The following RABEP1 variants were observed in gnomAD, a reference collection of about 807,000 sequenced individuals.
The protein encoded by RABEP1 is rab GTPase-binding effector protein 1.
In RABEP1, 51 loss-of-function variants were observed where a neutral mutation model predicts 123.4. That is an observed-to-expected ratio of 0.41 (90% CI 0.33 to 0.52). RABEP1 has a LOEUF of 0.52. Among genes scored for constraint, RABEP1 ranks in the 20% least tolerant of loss-of-function variants. RABEP1 has a pLI of 0.16. For synonymous variants in RABEP1, 347 were observed against 355.2 expected (o/e 0.98, Z 0.26); for missense variants, 888 against 996.3 (o/e 0.89, Z 1.46).
chr17:5,326,871 C>G (rs563377670), intron 2 of RABEP1, among the ~76,000 whole-genome samples: 8 of 152,268 alleles, frequency 5.3e-5, no homozygotes, highest in African/African-American at 1.9e-4. Flanking sequence ...AGAAATGCAT[C>G]GTTTGGTGAT....
At chr17:5,295,053 AAATG>A (rs2075069633) in intron 1 of RABEP1, among the ~76,000 whole-genome samples, 1 of 152,036 alleles carries the variant, frequency 6.6e-6, no homozygotes, top group Non-Finnish European at 1.5e-5. Flanking sequence ...TTTCCCACTT[AAATG>A]AAGAGATGTT....
chr17:5,319,754 C>A (rs916780469), intron 2 of RABEP1, among the ~76,000 whole-genome samples: 1 of 152,008 alleles, frequency 6.6e-6, no homozygotes, highest in Non-Finnish European at 1.5e-5. Flanking sequence ...CTGGAAAATT[C>A]ATCAGAGGCT....
chr17:5,338,429 G>A (rs1238028969), intron 5 of RABEP1, among the ~76,000 whole-genome samples: 2 of 152,124 alleles, frequency 1.3e-5, no homozygotes, highest in Non-Finnish European at 2.9e-5. Context: ...GCATGGTGGC[G>A]CATGCCTGTA....
intron 6 of RABEP1, among the ~76,000 whole-genome samples, chr17:5,347,291 T>A (rs1470291792): frequency 1.3e-5 from 2 of 152,144 alleles, no homozygotes; most frequent in South Asian, 4.1e-4. Context: ...GCACCTGTTA[T>A]CCCAGCTACT....
At chr17:5,359,137 G>C (rs959910490) in intron 8 of RABEP1, among the ~76,000 whole-genome samples, 1 of 148,544 alleles carries the variant, frequency 6.7e-6, no homozygotes, top group Non-Finnish European at 1.5e-5. Flanking sequence ...GCAGTGGTGT[G>C]ATCTCGGCTC....
At chr17:5,304,398 G>A (rs1380586145) in intron 1 of RABEP1, among the ~76,000 whole-genome samples, 3 of 151,590 alleles carry the variant, frequency 2.0e-5, no homozygotes, top group African/African-American at 7.3e-5. Context: ...TGGCTAATGT[G>A]GTAAAGCCCT....
chr17:5,343,670 CTTTTTTTTTT>C (rs753410845), intron 5 of RABEP1, among the ~76,000 whole-genome samples: 5 of 99,940 alleles, frequency 5.0e-5, no homozygotes, highest in Admixed American at 1.1e-4. Flanking sequence ...TTTCTTTTCT[CTTTTTTTTTT>C]TTTTTTTTTT....
At chr17:5,311,795 C>T (rs1391959019) in intron 2 of RABEP1, among the ~76,000 whole-genome samples, 1 of 150,268 alleles carries the variant, frequency 6.7e-6, no homozygotes, top group Non-Finnish European at 1.5e-5. Context: ...CTCATTAAAT[C>T]GTTAATCTCT....
At chr17:5,295,298 A>G (rs918946088) in intron 1 of RABEP1, among the ~76,000 whole-genome samples, 4 of 151,888 alleles carry the variant, frequency 2.6e-5, no homozygotes, top group Admixed American at 1.3e-4. Context: ...CTTAGGCAGG[A>G]CAATCCCTTG....
At chr17:5,310,897 C>A (rs140817134) in intron 2 of RABEP1, among the ~76,000 whole-genome samples, 6 of 151,272 alleles carry the variant, frequency 4.0e-5, no homozygotes, top group Non-Finnish European at 7.4e-5. Context: ...GCAACCTCCG[C>A]CTCCTGGGTT....
chr17:5,365,061 T>TA (rs58953748), intron 10 of RABEP1, 61 bp from the exon 11 acceptor site: 1,448 of 909,504 alleles, frequency 1.6e-3, no homozygotes, highest in East Asian at 3.8e-3. Flanking sequence ...GAGTTAGATT[T>TA]AAAAAAAAAA....
Position 5,383,282 on chromosome 17 carries a change from C to G in RABEP1, c.*59C>G. 7.7e-7 allele frequency: 1 copy of G among 1,297,216 alleles called. No individual in the cohort carries two copies. The highest frequency in any genetic ancestry group is 1.2e-5 in the South Asian group (1 of 83,512). 80.4% of individuals were successfully genotyped at this position (1,297,216 alleles called of 1,614,324 possible). On this transcript the variant is annotated 3_prime_UTR_variant, in exon 18 of 18. Coordinates refer to ENST00000537505, the MANE Select transcript of RABEP1 (RefSeq NM_004703.6). ...GGTTTTTAACTCATCTTTAGAGCAA[C>G]AGTAATTATTATTTAACTCTTAACT...
At chr17:5,330,881 G>A (rs929859197) in intron 2 of RABEP1, among the ~76,000 whole-genome samples, 12 of 152,030 alleles carry the variant, frequency 7.9e-5, no homozygotes, top group African/African-American at 2.2e-4. Flanking sequence ...AAAATTAGCC[G>A]GGCGTGATGG....
At chr17:5,339,283 T>G (rs1907367481) in intron 5 of RABEP1, among the ~76,000 whole-genome samples, 1 of 152,244 alleles carries the variant, frequency 6.6e-6, no homozygotes, top group Non-Finnish European at 1.5e-5. Flanking sequence ...ATTATCACAT[T>G]GGATTGTAAA....
chr17:5,358,689 C>G (rs969727841), intron 8 of RABEP1, among the ~76,000 whole-genome samples: 9 of 150,022 alleles, frequency 6.0e-5, no homozygotes, highest in African/African-American at 2.2e-4. Flanking sequence ...AAAAAAAGAA[C>G]TGCTGAATTC....
chr17:5,365,573 A>G (rs77875787), intron 11 of RABEP1, among the ~76,000 whole-genome samples: 1 of 149,574 alleles, frequency 6.7e-6, no homozygotes, highest in Non-Finnish European at 1.5e-5. Context: ...AACATGAAAG[A>G]AAAAAAAAAC....
At chr17:5,377,955 A>G (rs1443297225) in intron 14 of RABEP1, among the ~76,000 whole-genome samples, 2 of 152,168 alleles carry the variant, frequency 1.3e-5, no homozygotes, top group East Asian at 1.9e-4. Flanking sequence ...GATGTGATAC[A>G]TGATCTAGAG....
rs1040761832 is a variant in RABEP1 at position 5,384,276 on chromosome 17, T to C, written c.*1053T>C. ...GTCTTGTCATTTTACAAGCATTAGATTCCTTTCCTGTGTGAAGAAAGCCTC... is the reference window on the plus strand; with the variant it reads ...GTCTTGTCATTTTACAAGCATTAGACTCCTTTCCTGTGTGAAGAAAGCCTC... On this transcript the variant is annotated 3_prime_UTR_variant, in exon 18 of 18. Coordinates refer to ENST00000537505, the MANE Select transcript of RABEP1 (RefSeq NM_004703.6). 2 of 213,558 alleles carry C rather than the reference T, an allele frequency of 9.4e-6. No individual in the cohort carries two copies. Among genetic ancestry groups the C allele is most frequent in the African/African-American group, 4.5e-5 (2 of 44,316 alleles). 13.2% of individuals were successfully genotyped at this position (213,558 alleles called of 1,614,324 possible).
Position 5,386,265 on chromosome 17 carries a change from C to T in RABEP1, c.*3042C>T, listed in dbSNP as rs770203857. The T allele has an allele frequency of 2.5e-6, 4 of 1,608,358 alleles. No individual in the cohort carries two copies. The highest frequency in any genetic ancestry group is 2.2e-5 in the South Asian group (2 of 89,776). On this transcript the variant is annotated 3_prime_UTR_variant, in exon 18 of 18. Coordinates refer to ENST00000537505, the MANE Select transcript of RABEP1 (RefSeq NM_004703.6). ...TGCTTCACCATTTCCCTTATATGTT[C>T]ACCCCTGTAAAATTGTAAAGTCACT...
Sources: allele counts gnomAD v4.1 joint callset (sites outside exome capture counted in the v4.1 genomes callset), GRCh38; gene constraint gnomAD v4.1.1; transcripts MANE v1.5; gene names NCBI Gene and HGNC (gene_info 2026-07-23, HGNC 2026-07-21).